MYO5A: variants seen among roughly 807,000 people sequenced by gnomAD.
The protein encoded by MYO5A is unconventional myosin-Va.
MYO5A carries 98 observed loss-of-function variants against 249.7 expected under a neutral mutation model. The observed-to-expected ratio is 0.39, with a 90% confidence interval of 0.33 to 0.46. The LOEUF (loss-of-function observed/expected upper bound fraction) is 0.46. Ranked by LOEUF, MYO5A falls within the 20% of genes least tolerant of loss-of-function variation. The pLI is 0.98. For missense variants in MYO5A, 1,696 were observed against 2,308.8 expected (o/e 0.73, Z 5.44); for synonymous variants, 778 against 810.6 (o/e 0.96, Z 0.68).
chr15:52,459,127 G>A (rs2076179905), intron 1 of MYO5A, among the ~76,000 whole-genome samples: 1 of 108,038 alleles, frequency 9.3e-6, no homozygotes, highest in Middle Eastern at 7.5e-3. Context: ...AGCCTCCTGA[G>A]TAGCTGGGAT....
intron 15 of MYO5A, 93 bp from the exon 16 acceptor site, chr15:52,383,281 T>C (rs2041836029): frequency 3.8e-6 from 4 of 1,060,482 alleles, no homozygotes; most frequent in Admixed American, 1.7e-5. Flanking sequence ...ATGACACTAA[T>C]GGAGAAAACT....
In MYO5A at chr15:52,308,839, C is replaced by G. The variant is rs930127009; in HGVS notation, c.*4857G>C. 1 of 152,900 alleles carries G rather than the reference C, an allele frequency of 6.5e-6. No homozygotes were observed. Among genetic ancestry groups the G allele is most frequent in the Admixed American group, 6.5e-5 (1 of 15,288 alleles). 9.5% of individuals were successfully genotyped at this position (152,900 alleles called of 1,614,324 possible). ...GGAGCAAGGGTTAAGGCGGCCCTCACAGCACAGCCTGAGAACAAATTACAA... is the reference window on the plus strand; with the variant it reads ...GGAGCAAGGGTTAAGGCGGCCCTCAGAGCACAGCCTGAGAACAAATTACAA... On this transcript the variant is annotated 3_prime_UTR_variant, in exon 42 of 42. Transcript: ENST00000399233.
rs1185355740 is a variant in MYO5A at position 52,338,202 on chromosome 15, A to C, written c.4240-318T>G. 2.0e-5 allele frequency among the ~76,000 whole-genome samples: 3 copies of C among 147,140 alleles called. No individual in the cohort carries two copies. In the East Asian group the frequency reaches 5.9e-4, roughly 29 times the overall value. On this transcript the variant is annotated intron_variant, in intron 32 of 41. Transcript: ENST00000399233. ...TTTTTACTCCCAGCCTCCCCAACAC[A>C]TGATGCTCACAACTTGCTGCACTTT...
intron 1 of MYO5A, among the ~76,000 whole-genome samples, chr15:52,526,079 A>T (rs562613570): frequency 6.6e-6 from 1 of 152,364 alleles, no homozygotes; most frequent in Non-Finnish European, 1.5e-5. Flanking sequence ...CCAAGTAACC[A>T]GACTATTAAT....
intron 31 of MYO5A, among the ~76,000 whole-genome samples, chr15:52,340,631 G>A (rs1596314362): frequency 6.6e-6 from 1 of 152,162 alleles, no homozygotes; most frequent in South Asian, 2.1e-4. Context: ...CTAAGAAACA[G>A]GAGAGTTTTA....
At chr15:52,506,799 C>T (rs1173403245) in intron 1 of MYO5A, among the ~76,000 whole-genome samples, 1 of 151,452 alleles carries the variant, frequency 6.6e-6, no homozygotes, top group Non-Finnish European at 1.5e-5. Flanking sequence ...TGTGCCACTG[C>T]ACTCCAGCCT....
At chr15:52,478,860 G>C (rs1279936730) in intron 1 of MYO5A, among the ~76,000 whole-genome samples, 3 of 152,246 alleles carry the variant, frequency 2.0e-5, no homozygotes, top group East Asian at 3.9e-4. Flanking sequence ...CATGGCTACA[G>C]AATTACTACA....
intron 3 of MYO5A, among the ~76,000 whole-genome samples, chr15:52,427,184 T>A (rs1216925155): frequency 1.3e-5 from 2 of 152,172 alleles, no homozygotes; most frequent in African/African-American, 4.8e-5. Context: ...TTTCTGTAGG[T>A]GTATATTAAC....
At chr15:52,365,822 T>G (rs1290805209) in intron 23 of MYO5A, among the ~76,000 whole-genome samples, 8 of 152,260 alleles carry the variant, frequency 5.3e-5, no homozygotes, top group Non-Finnish European at 1.2e-4. Context: ...AAACTCACTG[T>G]CATTTCTTTG....
intron 21 of MYO5A, among the ~76,000 whole-genome samples, chr15:52,371,158 C>T (rs190345662): frequency 2.0e-5 from 3 of 151,798 alleles, no homozygotes; most frequent in Admixed American, 1.3e-4. Context: ...CACACACACA[C>T]GTTTCTCACA....
intron 1 of MYO5A, among the ~76,000 whole-genome samples, chr15:52,509,398 A>T (rs1473806135): frequency 6.6e-6 from 1 of 152,208 alleles, no homozygotes; most frequent in African/African-American, 2.4e-5. Flanking sequence ...ACTCTGGCTA[A>T]TCTCTGTTTA....
intron 1 of MYO5A, among the ~76,000 whole-genome samples, chr15:52,458,790 T>G (rs2076172171): frequency 9.0e-6 from 1 of 111,554 alleles, no homozygotes; most frequent in Non-Finnish European, 2.0e-5. Context: ...AAGACTAACT[T>G]CATTTTATAA....
At chr15:52,344,460 G>C (rs1257578968) in intron 30 of MYO5A, among the ~76,000 whole-genome samples, 1 of 152,104 alleles carries the variant, frequency 6.6e-6, no homozygotes, top group Non-Finnish European at 1.5e-5. Flanking sequence ...TCACCTTCAG[G>C]CTTCTCCATC....
At chr15:52,326,807 C>T (rs1031744389) in intron 36 of MYO5A, among the ~76,000 whole-genome samples, 10 of 152,254 alleles carry the variant, frequency 6.6e-5, no homozygotes, top group African/African-American at 2.4e-4. Flanking sequence ...CTTATCTTTA[C>T]CCTAAAAGCT....
intron 29 of MYO5A, among the ~76,000 whole-genome samples, chr15:52,347,105 T>C (rs1012750380): frequency 6.6e-6 from 1 of 152,146 alleles, no homozygotes; most frequent in African/African-American, 2.4e-5. Flanking sequence ...AATTATTTTA[T>C]ATAAGAATAA....
At position 52,315,433 on chromosome 15, in the gene MYO5A, GGC is replaced by G. The variant is rs1234336592; in HGVS notation, c.5410-1232_5410-1231del. Among the ~76,000 whole-genome samples, 5 of 151,860 alleles carry G rather than the reference GGC, an allele frequency of 3.3e-5. No individual in the cohort carries two copies. In the East Asian group the frequency reaches 9.7e-4, roughly 29 times the overall value. On this transcript the variant is annotated intron_variant, in intron 40 of 41. Coordinates refer to ENST00000399233, the MANE Select transcript of MYO5A (RefSeq NM_001382347.1). Reference sequence around the variant, plus strand: ...TTTTGAGATGAAGTCTCTGTGCAGTGGCACAATCTTGGCTCACTGCCACTTCT... The same window carrying G: ...TTTTGAGATGAAGTCTCTGTGCAGTGACAATCTTGGCTCACTGCCACTTCT...
intron 1 of MYO5A, among the ~76,000 whole-genome samples, chr15:52,482,612 T>G (rs1215104325): frequency 6.6e-6 from 1 of 152,236 alleles, no homozygotes; most frequent in Non-Finnish European, 1.5e-5. Flanking sequence ...TTTATTCCAT[T>G]TGATATCCCT....
At chr15:52,328,845 T>C (rs2038736808) in intron 35 of MYO5A, among the ~76,000 whole-genome samples, 1 of 152,184 alleles carries the variant, frequency 6.6e-6, no homozygotes, top group African/African-American at 2.4e-5. Flanking sequence ...CCAGGTATGC[T>C]CCCTGCCCTG....
intron 1 of MYO5A, among the ~76,000 whole-genome samples, chr15:52,471,908 A>G (rs1181480195): frequency 6.6e-6 from 1 of 152,096 alleles, no homozygotes; most frequent in Non-Finnish European, 1.5e-5. Context: ...TATGTTGCCC[A>G]GGCTGGTCTC....
Sources: allele counts gnomAD v4.1 joint callset (sites outside exome capture counted in the v4.1 genomes callset), GRCh38; gene constraint gnomAD v4.1.1; transcripts MANE v1.5; gene names NCBI Gene and HGNC (gene_info 2026-07-23, HGNC 2026-07-21).